MLXIP: variants seen among roughly 807,000 people sequenced by gnomAD.
MLXIP encodes MLX interacting protein.
MLXIP carries 30 observed loss-of-function variants against 87.2 expected under a neutral mutation model. The observed-to-expected ratio is 0.34, with a 90% confidence interval of 0.26 to 0.47. MLXIP has a LOEUF of 0.47. MLXIP is among the 20% of genes least tolerant of loss of function. The probability of loss-of-function intolerance (pLI) is 1.00; values close to 1 mark genes in which losing one functional copy is unlikely to be tolerated. For synonymous variants in MLXIP, 530 were observed against 514.0 expected (o/e 1.03, Z -0.42); for missense variants, 1,002 against 1,240.1 (o/e 0.81, Z 2.88).
chr12:122,123,192 A>C (rs1952812212), intron 1 of MLXIP, among the ~76,000 whole-genome samples: 1 of 152,134 alleles, frequency 6.6e-6, no homozygotes, highest in Admixed American at 6.5e-5. Flanking sequence ...GTGACACCTG[A>C]CGCATTCATT....
At chr12:122,084,144 T>TTGTGTGTGTGTGTGTGTGTG (rs746678463) in intron 1 of MLXIP, among the ~76,000 whole-genome samples, 3 of 138,164 alleles carry the variant, frequency 2.2e-5, no homozygotes, top group African/African-American at 8.2e-5. Context: ...CTCAGCCAGA[T>TTGTGTGTGTGTGTGTGTGTG]TGTGTGTGTG....
chr12:122,111,009 G>A (rs1403044037), intron 1 of MLXIP, among the ~76,000 whole-genome samples: 12 of 150,510 alleles, frequency 8.0e-5, no homozygotes, highest in South Asian at 2.1e-4. Flanking sequence ...CCCAGGAGGC[G>A]GAGCTTGCAG....
chr12:122,140,680 C>G, intron 15 of MLXIP: 1 of 522,172 alleles, frequency 1.9e-6, no homozygotes, highest in Admixed American at 2.9e-5. Context: ...TGTGCTAGGA[C>G]CTGTTCCAGA....
At chr12:122,083,001 G>A (rs1216776501) in intron 1 of MLXIP, among the ~76,000 whole-genome samples, 1 of 152,054 alleles carries the variant, frequency 6.6e-6, no homozygotes, top group Non-Finnish European at 1.5e-5. Context: ...TTTATTTTTT[G>A]TAGATATGGG....
chr12:122,095,951 G>C (rs923101098), intron 1 of MLXIP, among the ~76,000 whole-genome samples: 5,439 of 151,844 alleles, frequency 0.036, 290 homozygotes, highest in African/African-American at 0.12. Flanking sequence ...TGCAACCTCC[G>C]CCTCCCTGGT....
At chr12:122,098,819 A>G (rs1320740297) in intron 1 of MLXIP, among the ~76,000 whole-genome samples, 1 of 151,954 alleles carries the variant, frequency 6.6e-6, no homozygotes, top group Non-Finnish European at 1.5e-5. Context: ...CTCTTCTTCC[A>G]CCTCTGCTGC....
In MLXIP at chr12:122,135,562, C is replaced by T; in HGVS notation, c.1928C>T (p.Ala643Val). Residue 643 changes from alanine (A) to valine (V), a missense_variant, in exon 11 of 17, where the codon GCC becomes GTC. Around this residue, in one of 3 missense-constraint regions of MLXIP, gnomAD observed 746 missense variants for 897.0 expected, o/e 0.83. Transcript: ENST00000319080. This position sits in a 1 kb window ranked among gnomAD's most constrained non-coding sequence, Gnocchi z 5.3. ...GGCCATGGCACGAGCAGCCCGCCTG[C>T]CCCCGTCTCCCGGCTCTTCCCAAGC... ...DLGHGTSSPP[A>V]PVSRLFPSTA... The T allele has an allele frequency of 6.2e-7, 1 of 1,601,816 alleles. No homozygotes were observed.
At position 122,133,800 on chromosome 12, in the gene MLXIP, C is replaced by T; in HGVS notation, c.1545C>T (p.Ala515=). 4.3e-6 allele frequency: 7 copies of T among 1,613,240 alleles called. No individual in the cohort carries two copies. The highest frequency in any genetic ancestry group is 5.1e-6 in the Non-Finnish European group (6 of 1,179,698). ...QGLVITTHHP[A]PSAAPCGLAL... ...TTGTGATCACCACCCATCACCCTGC[C>T]CCGTCAGCGGCCCCTTGTGGGCTGG... Residue 515 remains alanine (A), a synonymous_variant, in exon 9 of 17, where the codon GCC becomes GCT. Coordinates refer to ENST00000319080, the MANE Select transcript of MLXIP (RefSeq NM_014938.6). The surrounding 1 kb of genome is among the most constrained non-coding windows in gnomAD (Gnocchi z 4.9).
intron 1 of MLXIP, among the ~76,000 whole-genome samples, chr12:122,083,120 C>T (rs1355634826): frequency 6.6e-6 from 1 of 152,122 alleles, no homozygotes. Context: ...GTGCCCAGCC[C>T]CCACCTACAG....
At chr12:122,122,405 C>T (rs1037689122) in intron 1 of MLXIP, among the ~76,000 whole-genome samples, 1 of 152,124 alleles carries the variant, frequency 6.6e-6, no homozygotes, top group African/African-American at 2.4e-5. Flanking sequence ...TCTCTGTCAC[C>T]CAGGCTGAGG....
intron 1 of MLXIP, among the ~76,000 whole-genome samples, chr12:122,117,758 G>A (rs28642975): frequency 0.5 from 76,018 of 152,024 alleles, 19,572 homozygotes; most frequent in Middle Eastern, 0.62. Context: ...CTCAGATAGT[G>A]CCGAACCCTG....
intron 1 of MLXIP, among the ~76,000 whole-genome samples, chr12:122,084,176 G>GTGTC (rs1288582483): frequency 6.7e-6 from 1 of 148,374 alleles, no homozygotes; most frequent in African/African-American, 2.4e-5. Context: ...GTGTGTGTGT[G>GTGTC]TGTGTGTGTG....
intron 1 of MLXIP, among the ~76,000 whole-genome samples, chr12:122,103,704 T>TC: frequency 6.6e-6 from 1 of 151,038 alleles, no homozygotes; most frequent in East Asian, 2.0e-4. Flanking sequence ...ATTTTTTTTT[T>TC]TTTTTTAGTA....
intron 1 of MLXIP, among the ~76,000 whole-genome samples, chr12:122,112,565 T>G (rs1020491778): frequency 2.0e-5 from 3 of 151,360 alleles, no homozygotes; most frequent in Non-Finnish European, 2.9e-5. Context: ...GAGAGTGGCC[T>G]GAACCCAGGA....
In MLXIP at chr12:122,129,988, C is replaced by T. The variant is rs768695288; in HGVS notation, c.786C>T (p.Thr262=). The change falls in exon 6 of 17, where the codon ACC becomes ACT. Residue 262 remains threonine (T), a synonymous_variant. Transcript: ENST00000319080. ...YWHKHGDGWK[T]PVPMEEDPLL... is the part of the protein sequence containing the mutation. Reference sequence around the variant, plus strand: ...ACAAGCACGGGGATGGATGGAAGACCCCCGTCCCCATGGAGGAGGATCCCC... The same window carrying T: ...ACAAGCACGGGGATGGATGGAAGACTCCCGTCCCCATGGAGGAGGATCCCC... 1.2e-6 allele frequency: 2 copies of T among 1,613,826 alleles called. No homozygotes were observed. Among genetic ancestry groups the T allele is most frequent in the Non-Finnish European group, 1.7e-6 (2 of 1,179,866 alleles).
At chr12:122,108,751 G>A (rs866225503) in intron 1 of MLXIP, among the ~76,000 whole-genome samples, 2 of 152,244 alleles carry the variant, frequency 1.3e-5, no homozygotes, top group East Asian at 3.9e-4. Flanking sequence ...AGGGACTTCG[G>A]TTTTGAGAAA....
chr12:122,080,655 C>G (rs761473079), intron 1 of MLXIP, among the ~76,000 whole-genome samples: 1 of 152,046 alleles, frequency 6.6e-6, no homozygotes, highest in Non-Finnish European at 1.5e-5. Flanking sequence ...ATTGGTCAGT[C>G]TCTGCTGATT....
chr12:122,122,388 G>A (rs1351002918), intron 1 of MLXIP, among the ~76,000 whole-genome samples: 1 of 152,046 alleles, frequency 6.6e-6, no homozygotes, highest in Non-Finnish European at 1.5e-5. Context: ...TTTTTAGACA[G>A]GGTCTCTCTC....
At position 122,135,611 on chromosome 12, in the gene MLXIP, G is replaced by A; in HGVS notation, c.1977G>A (p.Lys659=). ...GCACAGCGCAAGACCCCCTGGGGAA[G>A]GGCGAGCAGGTCCCGCTGCATGGGG... is the stretch of plus-strand genomic sequence containing the variant. ...FPSTAQDPLG[K]GEQVPLHGGS... The change falls in exon 11 of 17, where the codon AAG becomes AAA. Residue 659 remains lysine, a synonymous_variant. Transcript: ENST00000319080. The surrounding 1 kb of genome is among the most constrained non-coding windows in gnomAD (Gnocchi z 5.3). The A allele has an allele frequency of 6.4e-7, 1 of 1,573,438 alleles. No individual in the cohort carries two copies. Among genetic ancestry groups the A allele is most frequent in the Non-Finnish European group, 8.6e-7 (1 of 1,161,082 alleles).
Sources: allele counts gnomAD v4.1 joint callset (sites outside exome capture counted in the v4.1 genomes callset), GRCh38; gene constraint gnomAD v4.1.1; regional missense constraint gnomAD v4.1.1; non-coding constraint Gnocchi (gnomAD v3.1); transcripts MANE v1.5; gene names NCBI Gene and HGNC (gene_info 2026-07-23, HGNC 2026-07-21).